Variants in SPACDR observed in about 807,000 individuals in gnomAD.
SPACDR encodes uncharacterized protein C7orf61.
the SPACDR span, chr7:100,463,258 G>A: frequency 1.1e-6 from 1 of 950,902 alleles, no homozygotes. Context: ...ACAGGCGTGA[G>A]TCACTGCACC....
the SPACDR span, chr7:100,456,728 C>A: frequency 6.6e-7 from 1 of 1,518,956 alleles, no homozygotes; most frequent in Non-Finnish European, 8.9e-7. Flanking sequence ...GAGGTCAGGA[C>A]TCTCTAAGGG....
At chr7:100,458,498 C>G in the SPACDR span, among the ~76,000 whole-genome samples, 1,046 of 152,296 alleles carry the variant, frequency 6.9e-3, 12 homozygotes, top group South Asian at 0.023. Flanking sequence ...CCCCCTATCT[C>G]TGTGGCCCCT....
At chr7:100,462,890 A>C in the SPACDR span, among the ~76,000 whole-genome samples, 1 of 148,280 alleles carries the variant, frequency 6.7e-6, no homozygotes, top group Admixed American at 6.7e-5. Flanking sequence ...CAGGTGGATC[A>C]CTTGAGGCCA....
At chr7:100,457,099 C>T in the SPACDR span, 2 of 648,202 alleles carry the variant, frequency 3.1e-6, no homozygotes, top group East Asian at 2.8e-5. Context: ...CCTCTCCCAT[C>T]AGCCCAACTC....
At chr7:100,460,004 C>T in the SPACDR span, among the ~76,000 whole-genome samples, 5 of 151,844 alleles carry the variant, frequency 3.3e-5, no homozygotes, top group Non-Finnish European at 5.9e-5. Flanking sequence ...ATTCTCCTGC[C>T]TCAGCCTCCC....
At chr7:100,463,659 G>A in the SPACDR span, 1 of 1,613,886 alleles carries the variant, frequency 6.2e-7, no homozygotes, top group Middle Eastern at 1.7e-4. Flanking sequence ...GAGATGGTTG[G>A]TTTAATTTTT....
the SPACDR span, chr7:100,463,244 G>T: frequency 5.1e-5 from 42 of 817,598 alleles, no homozygotes; most frequent in Admixed American, 1.1e-4. Flanking sequence ...AAAGTGCTGG[G>T]ATTACAGGCG....
the SPACDR span, among the ~76,000 whole-genome samples, chr7:100,459,001 CTTTTTTTT>C: frequency 7.4e-6 from 1 of 135,288 alleles, no homozygotes; most frequent in Non-Finnish European, 1.6e-5. Flanking sequence ...TCCTTTTTAC[CTTTTTTTT>C]TTTTTTTTTT....
At chr7:100,460,639 G>A in the SPACDR span, among the ~76,000 whole-genome samples, 3 of 151,178 alleles carry the variant, frequency 2.0e-5, no homozygotes, top group African/African-American at 7.3e-5. Flanking sequence ...GTTTTCCAGA[G>A]TTGCTGTGCT....
chr7:100,458,485 TCTC>T, the SPACDR span, among the ~76,000 whole-genome samples: 1 of 152,182 alleles, frequency 6.6e-6, no homozygotes, highest in East Asian at 1.9e-4. Flanking sequence ...ACTACACTCT[TCTC>T]CCCCTATCTC....
At chr7:100,461,986 CAA>C in the SPACDR span, among the ~76,000 whole-genome samples, 39 of 59,874 alleles carry the variant, frequency 6.5e-4, no homozygotes, top group African/African-American at 1.4e-3. Flanking sequence ...GACTCCGTCT[CAA>C]AAAAAAAAAA....
the SPACDR span, chr7:100,456,893 C>T: frequency 6.2e-7 from 1 of 1,613,754 alleles, no homozygotes; most frequent in Non-Finnish European, 8.5e-7. Flanking sequence ...CCCACAGCAC[C>T]AGGTACACCT....
At chr7:100,464,022 C>T in the SPACDR span, 2 of 1,594,042 alleles carry the variant, frequency 1.3e-6, no homozygotes, top group South Asian at 1.1e-5. Flanking sequence ...ATGACCACAA[C>T]CATCTCTCTT....
At chr7:100,457,841 G>GTGTGTA in the SPACDR span, among the ~76,000 whole-genome samples, 8 of 85,080 alleles carry the variant, frequency 9.4e-5, no homozygotes, top group South Asian at 8.4e-4. Context: ...GTGTGTGTGT[G>GTGTGTA]TATATATATA....
chr7:100,463,488 C>T, the SPACDR span: 2 of 1,613,916 alleles, frequency 1.2e-6, no homozygotes, highest in African/African-American at 1.3e-5. Context: ...ACCTCGGTCT[C>T]CTCTGTAGTC....
the SPACDR span, among the ~76,000 whole-genome samples, chr7:100,462,380 A>G: frequency 1.3e-5 from 2 of 150,056 alleles, no homozygotes; most frequent in Non-Finnish European, 3.0e-5. Context: ...TGCCTGGCTA[A>G]TTTTTTGTAT....
the SPACDR span, chr7:100,463,282 A>G: frequency 8.2e-7 from 1 of 1,212,786 alleles, no homozygotes; most frequent in Non-Finnish European, 1.2e-6. Flanking sequence ...CCAGGAAACA[A>G]TTGTTGAACA....
the SPACDR span, among the ~76,000 whole-genome samples, chr7:100,458,320 C>T: frequency 6.6e-6 from 1 of 151,062 alleles, no homozygotes; most frequent in East Asian, 1.9e-4. Flanking sequence ...TTCCATCGGG[C>T]AGGAGAAACA....
At chr7:100,462,292 C>T in the SPACDR span, among the ~76,000 whole-genome samples, 1 of 151,886 alleles carries the variant, frequency 6.6e-6, no homozygotes, top group Non-Finnish European at 1.5e-5. Flanking sequence ...CGGCTCACTG[C>T]AAGCTCCGCC....
Sources: allele counts gnomAD v4.1 joint callset (sites outside exome capture counted in the v4.1 genomes callset), GRCh38; gene constraint gnomAD v4.1.1; transcripts MANE v1.5; gene names NCBI Gene and HGNC (gene_info 2026-07-23, HGNC 2026-07-21).